STN1: variants seen among roughly 807,000 people sequenced by gnomAD.
STN1 encodes the protein STN1 subunit of CST complex.
A neutral mutation model predicts 45.5 loss-of-function variants in STN1; 29 were observed. The observed-to-expected ratio is 0.64, with a 90% confidence interval of 0.47 to 0.87. The LOEUF (loss-of-function observed/expected upper bound fraction) is 0.87. Among genes scored for constraint, STN1 ranks in the 40% least tolerant of loss-of-function variants. The pLI is 0.00. For synonymous variants in STN1, 148 were observed against 159.0 expected, an observed-to-expected ratio of 0.93 and a Z score of 0.52; for missense variants, 376 against 441.4, an observed-to-expected ratio of 0.85 and a Z score of 1.33.
At chr10:103,910,342 TA>T (rs1843281359) in intron 3 of STN1, among the ~76,000 whole-genome samples, 184 bp downstream of exon 3, 1 of 152,172 alleles carries the variant, frequency 6.6e-6, no homozygotes, top group Non-Finnish European at 1.5e-5. Flanking sequence ...GTATCATTCC[TA>T]CCCGTTGCCT....
chr10:103,904,593 C>A (rs1843229191), intron 4 of STN1, among the ~76,000 whole-genome samples: 1 of 152,100 alleles, frequency 6.6e-6, no homozygotes, highest in South Asian at 2.1e-4. Flanking sequence ...CCAAAGGAAT[C>A]CTATCTTACC....
intron 9 of STN1, 96 bp from the exon 10 acceptor site, chr10:103,882,937 T>TC (rs941788246): frequency 8.3e-6 from 10 of 1,200,300 alleles, no homozygotes; most frequent in African/African-American, 1.5e-5. Context: ...TCTGACCAGA[T>TC]CCCCAGATGA....
At chr10:103,911,384 C>T (rs1843290111) in intron 2 of STN1, among the ~76,000 whole-genome samples, 1 of 152,152 alleles carries the variant, frequency 6.6e-6, no homozygotes, top group Admixed American at 6.5e-5. Flanking sequence ...ATAACCTAAC[C>T]CGAGCTCCCC....
At chr10:103,897,224 C>T (rs950322847) in intron 7 of STN1, among the ~76,000 whole-genome samples, 4 of 151,770 alleles carry the variant, frequency 2.6e-5, no homozygotes, top group Admixed American at 6.6e-5. Context: ...GTTAGCCAGG[C>T]GTGATGGCAC....
chr10:103,909,490 G>A lies in STN1; in HGVS notation c.229+1037C>T, dbSNP rs1185833160. Among the ~76,000 whole-genome samples, 926 of 31,430 alleles carry A rather than the reference G, an allele frequency of 0.029. 257 individuals are homozygous for A. The East Asian group carries it at 0.43, about 15-fold the overall frequency. 20.6% of individuals were successfully genotyped at this position (31,430 alleles called of 152,430 possible). A position where few individuals can be genotyped will look rare whatever the true frequency, so the allele number is the denominator to read the frequency against. On this transcript the variant is annotated intron_variant, in intron 3 of 9. Transcript: ENST00000224950. ...TATATGTATATATGTATATATATGTGTGTGTGTATATGTATATATGTATAT... is the reference window on the plus strand; with the variant it reads ...TATATGTATATATGTATATATATGTATGTGTGTATATGTATATATGTATAT...
At chr10:103,882,865 G>C in intron 9 of STN1, 24 bp from the exon 10 acceptor site, 1 of 1,599,610 alleles carries the variant, frequency 6.3e-7, no homozygotes, top group African/African-American at 1.3e-5. Flanking sequence ...GTAGGTGGCT[G>C]AGTGTGGACA....
Position 103,905,157 on chromosome 10 carries a change from C to CTGCAAGAGAAAAGCAAAAGGG in STN1, c.230-22_230-2dup. 1 of 1,613,918 alleles carries CTGCAAGAGAAAAGCAAAAGGG rather than the reference C, an allele frequency of 6.2e-7. No individual in the cohort carries two copies. The highest frequency in any genetic ancestry group is 2.2e-5 in the East Asian group (1 of 44,876). On this transcript the variant is annotated splice_acceptor_variant, in intron 3 of 9. Transcript: ENST00000224950. LOFTEE classifies it high-confidence loss of function. ...TTTATAACTCCAGTGCTGTCATCCA[C>CTGCAAGAGAAAAGCAAAAGGG]TGCAAGAGAAAAGCAAAAGGGTATA...
At chr10:103,890,369 T>C (rs765028778) in intron 8 of STN1, among the ~76,000 whole-genome samples, 67 of 152,166 alleles carry the variant, frequency 4.4e-4, no homozygotes, top group Non-Finnish European at 1.6e-4. Flanking sequence ...ATTTTAACCA[T>C]TTCCCTGAGG....
At chr10:103,894,476 A>T (rs1181714089) in intron 7 of STN1, among the ~76,000 whole-genome samples, 1 of 152,166 alleles carries the variant, frequency 6.6e-6, no homozygotes, top group Non-Finnish European at 1.5e-5. Context: ...AATATAAACA[A>T]TACTTGAAGC....
intron 2 of STN1, among the ~76,000 whole-genome samples, chr10:103,910,931 T>C (rs775816999): frequency 2.6e-5 from 4 of 152,008 alleles, no homozygotes; most frequent in Non-Finnish European, 5.9e-5. Flanking sequence ...AAAACAGTCA[T>C]TATACTGGGG....
chr10:103,890,332 G>C lies in STN1; in HGVS notation c.877-1188C>G, dbSNP rs1020396752. ...TGTGAGAGCTGCTGAACCTAGGAAA[G>C]CACTAGGCAAACAGAAGTGTTGACT... On this transcript the variant is annotated intron_variant, in intron 8 of 9. Coordinates refer to ENST00000224950, the MANE Select transcript of STN1 (RefSeq NM_024928.5). 1.3e-5 allele frequency among the ~76,000 whole-genome samples: 2 copies of C among 152,178 alleles called. 1 individual carries two copies. The highest frequency in any genetic ancestry group is 4.1e-4 in the South Asian group (2 of 4,826).
In STN1 at chr10:103,880,887, A is replaced by G. The variant is rs185201683; in HGVS notation, c.*1797T>C. Among the ~76,000 whole-genome samples, 109 of 150,886 alleles carry G rather than the reference A, an allele frequency of 7.2e-4. No homozygotes were observed. Among genetic ancestry groups the G allele is most frequent in the African/African-American group, 1.8e-3 (76 of 41,300 alleles). The stretch of plus-strand genomic sequence containing the variant: ...AGGGAGTGGTCGACTGTGTGTGTGT[A>G]TATATATATATATGTACATGTGCTA... On this transcript the variant is annotated 3_prime_UTR_variant, in exon 10 of 10. Transcript: ENST00000224950.
chr10:103,899,088 A>T, intron 5 of STN1, 88 bp from the exon 6 acceptor site: 2 of 1,456,576 alleles, frequency 1.4e-6, no homozygotes, highest in Non-Finnish European at 1.9e-6. Context: ...CTGCTAAGAC[A>T]ACAGTAAATG....
At chr10:103,899,202 T>C (rs930627947) in intron 5 of STN1, among the ~76,000 whole-genome samples, 2 of 152,092 alleles carry the variant, frequency 1.3e-5, no homozygotes, top group Non-Finnish European at 2.9e-5. Context: ...ATGCCCTAAG[T>C]GTCATGGGCT....
chr10:103,894,227 G>A (rs909736645), intron 7 of STN1, among the ~76,000 whole-genome samples: 3 of 152,082 alleles, frequency 2.0e-5, no homozygotes, highest in African/African-American at 7.2e-5. Context: ...CTAAAGGTTA[G>A]GTTTATTACA....
At chr10:103,883,628 A>G (rs551200888) in intron 9 of STN1, among the ~76,000 whole-genome samples, 1 of 152,284 alleles carries the variant, frequency 6.6e-6, no homozygotes, top group African/African-American at 2.4e-5. Flanking sequence ...TATTGGCACA[A>G]GTAGTTATAA....
At position 103,884,525 on chromosome 10, in the gene STN1, AC is replaced by A. The variant is rs572899651; in HGVS notation, c.950-1685del. Among the ~76,000 whole-genome samples, 17 of 152,216 alleles carry A rather than the reference AC, an allele frequency of 1.1e-4. No homozygotes were observed. In the South Asian group the frequency reaches 3.3e-3, roughly 30 times the overall value. ...AGTCAAACTTCTTTACCAAAAGCAA[AC>A]CCTCTCCAGTTGTCACAGTTTAAAA... On this transcript the variant is annotated intron_variant, in intron 9 of 9. Coordinates refer to ENST00000224950, the MANE Select transcript of STN1 (RefSeq NM_024928.5).
intron 3 of STN1, among the ~76,000 whole-genome samples, chr10:103,909,647 A>G (rs773414438): frequency 2.0e-5 from 3 of 151,586 alleles, no homozygotes; most frequent in Non-Finnish European, 2.9e-5. Context: ...GAATACATGT[A>G]AAGAAATGCA....
rs1283746328 is a variant in STN1, at chr10:103,914,361, TATATATATA to T, written c.133+3092_133+3100del. Among the ~76,000 whole-genome samples, 331 of 34,774 alleles carry T rather than the reference TATATATATA, an allele frequency of 9.5e-3. 16 individuals are homozygous for T. The highest frequency in any genetic ancestry group is 0.015 in the African/African-American group (177 of 11,926). The allele number at this position is 34,774 out of a possible 152,430, so 22.8% of individuals were successfully genotyped here. On this transcript the variant is annotated intron_variant, in intron 2 of 9. Transcript: ENST00000224950. ...ATATATATATATATATATATATATA[TATATATATA>T]TATATTTTTTTTTTTTTTTTTTGAG... is the stretch of plus-strand genomic sequence containing the variant.
Sources: allele counts gnomAD v4.1 joint callset (sites outside exome capture counted in the v4.1 genomes callset), GRCh38; gene constraint gnomAD v4.1.1; transcripts MANE v1.5; gene names NCBI Gene and HGNC (gene_info 2026-07-23, HGNC 2026-07-21).